Variants in EVC2 observed in about 807,000 individuals in gnomAD.
EVC2 encodes the protein EvC ciliary complex subunit 2, also known as limbin.
In EVC2, 148 loss-of-function variants were observed where a neutral mutation model predicts 149.3. The ratio of observed to expected loss-of-function variants is 0.99; its 90% CI spans 0.87 to 1.14. The LOEUF is 1.14. EVC2 is among the 50% of genes most tolerant of loss of function. The pLI is 0.00. For missense variants in EVC2, 1,854 were observed against 1,627.3 expected (o/e 1.14, Z -2.40); for synonymous variants, 776 against 649.9 (o/e 1.19, Z -2.95).
chr4:5,617,434 C>A (rs1192863123), intron 15 of EVC2, among the ~76,000 whole-genome samples: 7 of 152,216 alleles, frequency 4.6e-5, no homozygotes, highest in Admixed American at 4.6e-4. Flanking sequence ...ATGTTTTGCA[C>A]ACATCTGGTG....
At chr4:5,587,751 G>A (rs985759789) in intron 16 of EVC2, among the ~76,000 whole-genome samples, 6 of 152,136 alleles carry the variant, frequency 3.9e-5, no homozygotes, top group African/African-American at 9.7e-5. Context: ...TGAGAGGGTC[G>A]TGATTGAGCA....
At chr4:5,653,136 CTCT>C (rs1718261948) in intron 9 of EVC2, among the ~76,000 whole-genome samples, 1 of 152,188 alleles carries the variant, frequency 6.6e-6, no homozygotes, top group Admixed American at 6.5e-5. Flanking sequence ...CCAGATTTCC[CTCT>C]TCTTATGAAT....
chr4:5,640,744 G>C lies in EVC2; in HGVS notation c.1240C>G (p.Leu414Val). 4 of 1,614,172 alleles carry C rather than the reference G, an allele frequency of 2.5e-6. No individual in the cohort carries two copies. The highest frequency in any genetic ancestry group is 3.4e-6 in the Non-Finnish European group (4 of 1,180,042). Reference protein sequence around the residue: ...KDIIALLLKNLTSSGHLSPQV... With the variant: ...KDIIALLLKNVTSSGHLSPQV... ...GGTGAGAGGTGGCCACTGCTGGTGA[G>C]ATTTTTCAGCAGAAGGGCAATGATA... is the stretch of plus-strand genomic sequence containing the variant. Residue 414 changes from leucine to valine, a missense_variant, in exon 10 of 22, where the codon CTC becomes GTC. Physicochemically the swap from Leu to Val is conservative, Grantham distance 32. Coordinates refer to ENST00000344408, the MANE Select transcript of EVC2 (RefSeq NM_147127.5). The surrounding 1 kb of genome is among the most constrained non-coding windows in gnomAD (Gnocchi z 4.6).
rs755614931 is a variant in EVC2, at chr4:5,584,742, C to T, written c.2938G>A (p.Glu980Lys). 7 of 1,614,038 alleles carry T rather than the reference C, an allele frequency of 4.3e-6. No individual in the cohort carries two copies. Among genetic ancestry groups the T allele is most frequent in the South Asian group, 1.1e-5 (1 of 91,064 alleles). The change falls in exon 17 of 22, where the codon GAG becomes AAG. Residue 980 changes from glutamate (E) to lysine (K), a missense_variant. Coordinates refer to ENST00000344408, the MANE Select transcript of EVC2 (RefSeq NM_147127.5). Reference sequence around the variant, plus strand: ...AGGGCGGTGTAGGCCGACAGAGTCTCGGTCACCCGGGACGCCTTCTGGAAC... The same window carrying T: ...AGGGCGGTGTAGGCCGACAGAGTCTTGGTCACCCGGGACGCCTTCTGGAAC... Reference protein sequence around the residue: ...LQFQKASRVTETLSAYTALLS... With the variant: ...LQFQKASRVTKTLSAYTALLS...
intron 10 of EVC2, among the ~76,000 whole-genome samples, chr4:5,639,303 A>G (rs1315221738): frequency 1.3e-5 from 2 of 152,240 alleles, no homozygotes; most frequent in Non-Finnish European, 2.9e-5. Context: ...CTCAGGTCAC[A>G]TGAAATGAAT....
rs1719017773 is a variant in EVC2 at position 5,663,166 on chromosome 4, G to T, written c.1086C>A (p.Asp362Glu). 1 of 1,614,032 alleles carries T rather than the reference G, an allele frequency of 6.2e-7. No individual in the cohort carries two copies. Among genetic ancestry groups the T allele is most frequent in the African/African-American group, 1.3e-5 (1 of 74,898 alleles). ...CGGAAGACAGAATGTCTATCATTTG[G>T]TCGTTAAGGGAAAGGTCCTCATTCA... ...DGVNEDLSLN[D>E]QMIDILSSED... is the part of the protein sequence containing the mutation. Residue 362 changes from aspartate to glutamate, a missense_variant, in exon 9 of 22, where the codon GAC (aspartate) becomes GAA (glutamate). Transcript: ENST00000344408.
At chr4:5,603,207 G>A (rs1049542643) in intron 16 of EVC2, among the ~76,000 whole-genome samples, 8 of 152,190 alleles carry the variant, frequency 5.3e-5, no homozygotes, top group Non-Finnish European at 2.9e-5. Context: ...TGACCATGAG[G>A]CCTTGAATGC....
chr4:5,569,965 G>A lies in EVC2; in HGVS notation c.3361-1325C>T, dbSNP rs1298019509. 1.3e-5 allele frequency among the ~76,000 whole-genome samples: 2 copies of A among 152,118 alleles called. No individual in the cohort carries two copies. Among genetic ancestry groups the A allele is most frequent in the African/African-American group, 4.8e-5 (2 of 41,410 alleles). On this transcript the variant is annotated intron_variant, in intron 19 of 21. Transcript: ENST00000344408. This position sits in a 1 kb window ranked among gnomAD's most constrained non-coding sequence, Gnocchi z 4.8. ...CAGGCCACTGAGCCCTTACCCATGA[G>A]CTTCCTTCAGCCTAGAGTACATTTC...
At position 5,677,321 on chromosome 4, in the gene EVC2, T is replaced by C. The variant is rs745751559; in HGVS notation, c.870+3939A>G. Among the ~76,000 whole-genome samples, 1 of 152,096 alleles carries C rather than the reference T, an allele frequency of 6.6e-6. No homozygotes were observed. Among genetic ancestry groups the C allele is most frequent in the Non-Finnish European group, 1.5e-5 (1 of 68,022 alleles). On this transcript the variant is annotated intron_variant, in intron 7 of 21. Transcript: ENST00000344408. This position sits in a 1 kb window ranked among gnomAD's most constrained non-coding sequence, Gnocchi z 4.3. ...AGGGATTCAAAGCCAGGCCTTATGGTCCAAGAGTCAGCTGGGCCCACACAA... is the reference window on the plus strand; with the variant it reads ...AGGGATTCAAAGCCAGGCCTTATGGCCCAAGAGTCAGCTGGGCCCACACAA...
intron 2 of EVC2, among the ~76,000 whole-genome samples, chr4:5,697,063 CA>C (rs1721519833): frequency 6.6e-6 from 1 of 152,160 alleles, no homozygotes; most frequent in Non-Finnish European, 1.5e-5. Context: ...TGCTAGCTTC[CA>C]AAATGGAGGA....
At chr4:5,561,531 GA>G (rs1313350179), downstream of EVC2, among the ~76,000 whole-genome samples, 1 of 152,232 alleles carries the variant, frequency 6.6e-6, no homozygotes, top group Non-Finnish European at 1.5e-5. Context: ...TCCCCTGGGA[GA>G]AGTGCAACCC....
At chr4:5,541,171 C>T (rs962079321), downstream of EVC2, among the ~76,000 whole-genome samples, 5 of 152,196 alleles carry the variant, frequency 3.3e-5, no homozygotes, top group African/African-American at 1.2e-4. Flanking sequence ...AAAAGAGAAG[C>T]AATTTCACGG....
intron 21 of EVC2, among the ~76,000 whole-genome samples, chr4:5,545,187 TC>T (rs1392999813): frequency 6.6e-6 from 1 of 152,202 alleles, no homozygotes; most frequent in Non-Finnish European, 1.5e-5. Flanking sequence ...CAGGAGACAT[TC>T]GCTCATTCAT....
At chr4:5,624,491 G>A (rs555929705) in intron 13 of EVC2, among the ~76,000 whole-genome samples, 1 of 152,322 alleles carries the variant, frequency 6.6e-6, no homozygotes, top group South Asian at 2.1e-4. Flanking sequence ...GTTCTCAACA[G>A]TGGGGATGCA....
In EVC2 at chr4:5,626,499, A is replaced by AT. The variant is rs563957804; in HGVS notation, c.1887-592dup. Reference sequence around the variant, plus strand: ...CAGGCGCGTGCCACCACGCCAGCTAATTTTTTTTGTATTTTTAGTAGAGAC... The same window carrying AT: ...CAGGCGCGTGCCACCACGCCAGCTAATTTTTTTTTGTATTTTTAGTAGAGAC... On this transcript the variant is annotated intron_variant, in intron 12 of 21. Coordinates refer to ENST00000344408, the MANE Select transcript of EVC2 (RefSeq NM_147127.5). Among the ~76,000 whole-genome samples, 14 of 151,634 alleles carry AT rather than the reference A, an allele frequency of 9.2e-5. No homozygotes were observed. The South Asian group carries it at 2.3e-3, about 25-fold the overall frequency.
rs71171411 is a variant in EVC2 at position 5,686,127 on chromosome 4, C to CACACACACACACACACATAT, written c.707-649_707-648insATATGTGTGTGTGTGTGTGT. Among the ~76,000 whole-genome samples, 381 of 149,654 alleles carry CACACACACACACACACATAT rather than the reference C, an allele frequency of 2.5e-3. 1 individual carries two copies. Among genetic ancestry groups the CACACACACACACACACATAT allele is most frequent in the Non-Finnish European group, 3.8e-3 (257 of 67,666 alleles). The stretch of plus-strand genomic sequence containing the variant: ...ACACACACACACACACACACACACA[C>CACACACACACACACACATAT]AGAGTAAAGAAAAGAGGAGGAACGC... On this transcript the variant is annotated intron_variant, in intron 5 of 21. Transcript: ENST00000344408. This position sits in a 1 kb window ranked among gnomAD's most constrained non-coding sequence, Gnocchi z 5.4.
At chr4:5,563,991 G>A (rs1163715780) in intron 21 of EVC2, among the ~76,000 whole-genome samples, 3 of 151,958 alleles carry the variant, frequency 2.0e-5, no homozygotes, top group African/African-American at 7.3e-5. Context: ...TGATCGTGAC[G>A]ACCACCAAGA....
intron 8 of EVC2, among the ~76,000 whole-genome samples, chr4:5,665,103 G>A (rs1719178148): frequency 6.6e-6 from 1 of 152,018 alleles, no homozygotes; most frequent in African/African-American, 2.4e-5. Flanking sequence ...GCTTTGTATG[G>A]GGTAATGGCT....
At position 5,665,526 on chromosome 4, in the gene EVC2, T is replaced by C. The variant is rs771823806; in HGVS notation, c.994A>G (p.Thr332Ala). 22 of 1,613,922 alleles carry C rather than the reference T, an allele frequency of 1.4e-5. No homozygotes were observed. The highest frequency in any genetic ancestry group is 1.9e-5 in the Non-Finnish European group (22 of 1,180,006). The change falls in exon 8 of 22, where the codon ACC becomes GCC. Residue 332 changes from threonine (T) to alanine (A), a missense_variant. Thr to Ala is a moderately conservative substitution (Grantham distance 58). Coordinates refer to ENST00000344408, the MANE Select transcript of EVC2 (RefSeq NM_147127.5). The part of the protein sequence containing the change: ...RYQCLKGNML[T>A]RHRVWQYESK... ...CAGGGAAGACTCACCCGATGTCTGG[T>C]GAGCATGTTTCCCTTCAGACACTGA...
Sources: allele counts gnomAD v4.1 joint callset (sites outside exome capture counted in the v4.1 genomes callset), GRCh38; gene constraint gnomAD v4.1.1; non-coding constraint Gnocchi (gnomAD v3.1); transcripts MANE v1.5; gene names NCBI Gene and HGNC (gene_info 2026-07-23, HGNC 2026-07-21).